Variants in PITPNC1 observed in about 807,000 individuals in gnomAD.
PITPNC1 encodes the protein phosphatidylinositol transfer protein cytoplasmic 1.
In PITPNC1, 18 loss-of-function variants were observed where a neutral mutation model predicts 44.7. That is an observed-to-expected ratio of 0.40 (90% CI 0.28 to 0.60). The LOEUF (loss-of-function observed/expected upper bound fraction) is 0.60, where lower values mean the gene tolerates loss of function less well. PITPNC1 is among the 20% of genes least tolerant of loss of function. The probability of loss-of-function intolerance (pLI) is 0.39; values close to 1 mark genes in which losing one functional copy is unlikely to be tolerated. For missense variants in PITPNC1, 290 were observed against 418.4 expected (o/e 0.69, Z 2.68); for synonymous variants, 141 against 149.6 (o/e 0.94, Z 0.42).
chr17:67,412,662 G>C (rs1009853063), intron 1 of PITPNC1, among the ~76,000 whole-genome samples: 7 of 152,080 alleles, frequency 4.6e-5, no homozygotes, highest in African/African-American at 1.7e-4. Flanking sequence ...CACCTCCCGG[G>C]TTCAAGTGAT....
At chr17:67,476,195 T>C (rs903401258) in intron 1 of PITPNC1, among the ~76,000 whole-genome samples, 2 of 150,766 alleles carry the variant, frequency 1.3e-5, no homozygotes, top group African/African-American at 2.4e-5. Context: ...TTTCTTTTTT[T>C]TTTTTTTTGA....
chr17:67,629,520 C>A (rs558118034), intron 5 of PITPNC1, among the ~76,000 whole-genome samples: 6 of 152,330 alleles, frequency 3.9e-5, no homozygotes, highest in South Asian at 2.1e-4. Context: ...CCCCAACCCG[C>A]CCGACATCAG....
chr17:67,540,949 G>A (rs2040597831), intron 2 of PITPNC1, among the ~76,000 whole-genome samples: 1 of 152,116 alleles, frequency 6.6e-6, no homozygotes, highest in Non-Finnish European at 1.5e-5. Flanking sequence ...GGACGCAATG[G>A]CTCACACCTG....
intron 6 of PITPNC1, among the ~76,000 whole-genome samples, chr17:67,660,520 T>G (rs2537837): frequency 0.034 from 4,649 of 138,382 alleles, 192 homozygotes; most frequent in Admixed American, 0.11. Flanking sequence ...TTATTTTATT[T>G]TATTTATTTA....
At chr17:67,421,242 C>G (rs1013717032) in intron 1 of PITPNC1, among the ~76,000 whole-genome samples, 1 of 152,110 alleles carries the variant, frequency 6.6e-6, no homozygotes, top group Non-Finnish European at 1.5e-5. Context: ...TGTCTTTTGT[C>G]TTGGTGCCAA....
chr17:67,396,790 G>A (rs1268955623), intron 1 of PITPNC1, among the ~76,000 whole-genome samples: 1 of 151,834 alleles, frequency 6.6e-6, no homozygotes, highest in African/African-American at 2.4e-5. Flanking sequence ...GAATAGCTGG[G>A]ACCACAGGTG....
chr17:67,446,051 A>G (rs1228503817), intron 1 of PITPNC1, among the ~76,000 whole-genome samples: 1 of 151,956 alleles, frequency 6.6e-6, no homozygotes, highest in East Asian at 1.9e-4. Flanking sequence ...GGTTCAGGCA[A>G]TTCTCCTGCC....
At chr17:67,681,591 A>G (rs557719776) in intron 8 of PITPNC1, among the ~76,000 whole-genome samples, 1 of 139,316 alleles carries the variant, frequency 7.2e-6, no homozygotes, top group East Asian at 2.2e-4. Flanking sequence ...CCTAGGTGAC[A>G]GAGCAAAACC....
intron 1 of PITPNC1, among the ~76,000 whole-genome samples, chr17:67,459,107 C>CTTT (rs2039298403): frequency 1.6e-5 from 2 of 126,836 alleles, no homozygotes; most frequent in African/African-American, 6.2e-5. Context: ...TTTTTTTTTT[C>CTTT]TTTTTCTTTT....
At chr17:67,473,506 T>C (rs2039580299) in intron 1 of PITPNC1, among the ~76,000 whole-genome samples, 1 of 151,784 alleles carries the variant, frequency 6.6e-6, no homozygotes, top group African/African-American at 2.4e-5. Context: ...TTTTTTTGTA[T>C]TTTTTTAGTA....
intron 5 of PITPNC1, among the ~76,000 whole-genome samples, chr17:67,582,424 C>T (rs973756287): frequency 6.6e-6 from 1 of 152,098 alleles, no homozygotes; most frequent in African/African-American, 2.4e-5. Context: ...CCTCCCCTAC[C>T]TGCCAAAAAT....
chr17:67,646,398 TTTA>T lies in PITPNC1; in HGVS notation c.462+14167_462+14169del, dbSNP rs544008179. Among the ~76,000 whole-genome samples the T allele has an allele frequency of 4.5e-3, 680 of 152,336 alleles. 6 individuals are homozygous for T. The highest frequency in any genetic ancestry group is 7.4e-3 in the Non-Finnish European group (506 of 68,028). On this transcript the variant is annotated intron_variant, in intron 6 of 8. Coordinates refer to ENST00000581322, the MANE Select transcript of PITPNC1 (RefSeq NM_012417.4). The stretch of plus-strand genomic sequence containing the variant: ...GTTATTAAGGTGCTTGTCTTCATCT[TTTA>T]TTATTAAGAGGCCCAGAGAAAGACT...
chr17:67,406,410 T>G (rs1187351707), intron 1 of PITPNC1, among the ~76,000 whole-genome samples: 1 of 152,198 alleles, frequency 6.6e-6, no homozygotes, highest in Non-Finnish European at 1.5e-5. Flanking sequence ...TAATCTATAC[T>G]TTCTGTCCTT....
chr17:67,419,156 G>T (rs553041511), intron 1 of PITPNC1, among the ~76,000 whole-genome samples: 4 of 138,784 alleles, frequency 2.9e-5, no homozygotes, highest in Non-Finnish European at 4.7e-5. Flanking sequence ...ATGCTTGGGG[G>T]AGAAGGAGGA....
chr17:67,596,831 T>G (rs2041466676), intron 5 of PITPNC1, among the ~76,000 whole-genome samples: 1 of 152,202 alleles, frequency 6.6e-6, no homozygotes, highest in African/African-American at 2.4e-5. Context: ...GTTTAAAGGC[T>G]CTTCCCCCTT....
chr17:67,509,414 G>A lies in PITPNC1; in HGVS notation c.49-23388G>A, dbSNP rs1247887273. Among the ~76,000 whole-genome samples, 5 of 151,966 alleles carry A rather than the reference G, an allele frequency of 3.3e-5. No homozygotes were observed. The East Asian group carries it at 9.7e-4, about 29-fold the overall frequency. On this transcript the variant is annotated intron_variant, in intron 1 of 8. Coordinates refer to ENST00000581322, the MANE Select transcript of PITPNC1 (RefSeq NM_012417.4). ...TAGCTGGGTGTGGTGGTGCACGCCTGTAATCCCAGCCACTTGGGAGGCTGA... is the reference window on the plus strand; with the variant it reads ...TAGCTGGGTGTGGTGGTGCACGCCTATAATCCCAGCCACTTGGGAGGCTGA...
intron 1 of PITPNC1, among the ~76,000 whole-genome samples, chr17:67,393,505 TC>T (rs2038169737): frequency 6.6e-6 from 1 of 152,184 alleles, no homozygotes; most frequent in Admixed American, 6.5e-5. Flanking sequence ...AGAATTTTTT[TC>T]TGAATTCTGC....
chr17:67,528,452 C>T (rs534814455), intron 1 of PITPNC1, among the ~76,000 whole-genome samples: 54 of 152,350 alleles, frequency 3.5e-4, no homozygotes, highest in African/African-American at 1.2e-3. Context: ...ATCAATTCTA[C>T]GATCAATTCT....
chr17:67,550,239 C>T (rs1440999132), intron 2 of PITPNC1, among the ~76,000 whole-genome samples: 10 of 152,202 alleles, frequency 6.6e-5, no homozygotes, highest in Non-Finnish European at 2.9e-5. Context: ...CAAACTGCTT[C>T]TGCTGACTCC....
Sources: gnomAD v4.1 joint callset for allele counts (sites outside exome capture counted in the v4.1 genomes callset) on GRCh38, gnomAD v4.1.1 for gene constraint, MANE v1.5 for transcripts, NCBI Gene and HGNC (gene_info 2026-07-23, HGNC 2026-07-21) for gene names.